ZSCAN18: variants seen among roughly 807,000 people sequenced by gnomAD.
ZSCAN18 encodes the protein zinc finger and SCAN domain containing 18.
ZSCAN18 carries 16 observed loss-of-function variants against 31.1 expected under a neutral mutation model. The observed-to-expected ratio is 0.51, with a 90% CI of 0.35 to 0.78. The LOEUF (loss-of-function observed/expected upper bound fraction) is 0.78. ZSCAN18 is among the 30% of genes least tolerant of loss of function. ZSCAN18 has a pLI of 0.01. For synonymous variants in ZSCAN18, 375 were observed against 320.7 expected, an observed-to-expected ratio of 1.17 and a Z score of -1.81; for missense variants, 731 against 697.4, an observed-to-expected ratio of 1.05 and a Z score of -0.54.
chr19:58,110,667 CTT>C (rs2146026175), intron 1 of ZSCAN18, among the ~76,000 whole-genome samples: 1 of 152,358 alleles, frequency 6.6e-6, no homozygotes, highest in South Asian at 2.1e-4. Flanking sequence ...TCAGCTTTGA[CTT>C]TCAAATACAC....
In ZSCAN18 at chr19:58,087,377, A is replaced by G; in HGVS notation, c.581T>C (p.Leu194Pro). 1 of 1,605,470 alleles carries G rather than the reference A, an allele frequency of 6.2e-7. No individual in the cohort carries two copies. The highest frequency in any genetic ancestry group is 8.5e-7 in the Non-Finnish European group (1 of 1,175,784). Residue 194 changes from leucine (L) to proline (P), a missense_variant, in exon 4 of 7, where the codon CTG (leucine) becomes CCG (proline). Transcript: ENST00000601144. ...TGCTTCTCTGACCCTCCTCTGTTCC[A>G]GAAACAGGGGGTCCGGAGAAAGCCA... ...TPWLSPDPLFLEQRRVREAKT... is the reference protein window; with the variant it reads ...TPWLSPDPLFPEQRRVREAKT...
At position 58,104,746 on chromosome 19, in the gene ZSCAN18, A is replaced by AAAATT. The variant is rs745324077; in HGVS notation, c.130+13520_130+13521insAATTT. On this transcript the variant is annotated intron_variant, in intron 1 of 1. Coordinates refer to the ZSCAN18 transcript ENST00000595721. ...AAAATAAAATAAAATAAAATAAAAT[A>AAAATT]AAAAAGTCTGAAGCTAGCAGAGGTT... 1.6e-4 allele frequency among the ~76,000 whole-genome samples: 13 copies of AAAATT among 83,264 alleles called. No homozygotes were observed. In the South Asian group the frequency reaches 2.9e-3, roughly 19 times the overall value. The allele number at this position is 83,264 out of a possible 152,430, so 54.6% of individuals were successfully genotyped here. A position where few individuals can be genotyped will look rare whatever the true frequency, so the allele number is the denominator to read the frequency against.
upstream of ZSCAN18, among the ~76,000 whole-genome samples, chr19:58,098,552 C>T (rs1484457793): frequency 6.6e-6 from 1 of 152,110 alleles, no homozygotes; most frequent in Non-Finnish European, 1.5e-5. Flanking sequence ...GCATGAAGGC[C>T]CACAGACGCT....
intron 1 of ZSCAN18, chr19:58,108,600 C>T: frequency 2.0e-6 from 2 of 985,770 alleles, no homozygotes; most frequent in Non-Finnish European, 2.4e-6. Context: ...TATAAGGGCT[C>T]TCTCCAGTAT....
chr19:58,086,010 AC>A (rs2074272459), intron 6 of ZSCAN18, 163 bp downstream of exon 6: 7 of 632,168 alleles, frequency 1.1e-5, no homozygotes, highest in Non-Finnish European at 1.7e-5. Flanking sequence ...GAGACCATGG[AC>A]GTAACTGGAT....
intron 6 of ZSCAN18, 58 bp from the exon 7 acceptor site, chr19:58,085,437 A>C (rs1056971648): frequency 7.0e-7 from 1 of 1,434,060 alleles, no homozygotes; most frequent in Non-Finnish European, 9.2e-7. Context: ...GGAGAGGAGG[A>C]CCCAGCCGAG....
intron 1 of ZSCAN18, chr19:58,109,163 G>C (rs1399901918): frequency 8.1e-7 from 1 of 1,230,648 alleles, no homozygotes; most frequent in Non-Finnish European, 1.0e-6. Flanking sequence ...ATTTCTACCT[G>C]GTCCTCACAT....
upstream of ZSCAN18, among the ~76,000 whole-genome samples, chr19:58,098,521 C>G (rs1034100060): frequency 6.6e-6 from 1 of 152,180 alleles, no homozygotes; most frequent in African/African-American, 2.4e-5. Flanking sequence ...CAAAAAGACG[C>G]GCAGACCGGG....
At position 58,090,117 on chromosome 19, in the gene ZSCAN18, G is replaced by A. The variant is rs746204969; in HGVS notation, c.151C>T (p.Arg51Cys). The change falls in exon 2 of 7, where the codon CGT becomes TGT. Residue 51 changes from arginine (R) to cysteine (C), a missense_variant. Arg to Cys is a radical substitution (Grantham distance 180, BLOSUM62 -3). Around this residue, in one of 4 missense-constraint regions of ZSCAN18, gnomAD observed 86 missense variants for 119.1 expected, o/e 0.72. Coordinates refer to ENST00000601144, the MANE Select transcript of ZSCAN18 (RefSeq NM_001145543.2). This position sits in a 1 kb window ranked among gnomAD's most constrained non-coding sequence, Gnocchi z 4.7. The stretch of plus-strand genomic sequence containing the variant: ...TCCTGGTAGACAAATTCCCGGAAAC[G>A]CAGGCGGGAGAACTCCAGGTCAGCA... ...TPADLEFSRLRFREFVYQEAA... is the reference protein window; with the variant it reads ...TPADLEFSRLCFREFVYQEAA... 5.0e-6 allele frequency: 8 copies of A among 1,613,794 alleles called. No individual in the cohort carries two copies. The highest frequency in any genetic ancestry group is 1.1e-5 in the South Asian group (1 of 91,080).
At position 58,086,244 on chromosome 19, in the gene ZSCAN18, G is replaced by A. The variant is rs147947490; in HGVS notation, c.768C>T (p.Asp256=). The stretch of plus-strand genomic sequence containing the variant: ...CCTCAGTGTCCAGCCTGGAGGCAGC[G>A]TCAGGCTGGGAAAGCTGATACCCTG... ...LLWGYQLSQP[D]AASRLDTEEL... is the part of the protein sequence containing the mutation. The change falls in exon 6 of 7, where the codon GAC becomes GAT. Residue 256 remains aspartate (D), a synonymous_variant. Coordinates refer to ENST00000601144, the MANE Select transcript of ZSCAN18 (RefSeq NM_001145543.2). The A allele has an allele frequency of 6.2e-6, 10 of 1,613,812 alleles. No homozygotes were observed. Among genetic ancestry groups the A allele is most frequent in the East Asian group, 4.5e-5 (2 of 44,890 alleles).
chr19:58,098,107 G>A, intron 1 of ZSCAN18, 67 bp downstream of exon 1: 1 of 985,360 alleles, frequency 1.0e-6, no homozygotes, highest in Non-Finnish European at 1.2e-6. Flanking sequence ...CCACTGAGGC[G>A]TCCTCACCGT....
Position 58,090,345 on chromosome 19 carries a change from C to T in ZSCAN18, c.-78G>A, listed in dbSNP as rs778994463. On this transcript the variant is annotated 5_prime_UTR_variant, in exon 2 of 7. Coordinates refer to ENST00000601144, the MANE Select transcript of ZSCAN18 (RefSeq NM_001145543.2). The surrounding 1 kb of genome is among the most constrained non-coding windows in gnomAD (Gnocchi z 4.7). ...TCCAAAGGAGAGGTGCCAGGGATGA[C>T]CAGATGCCCAGTGGGCTCAGGTGGT... 5.0e-6 allele frequency: 8 copies of T among 1,603,424 alleles called. No homozygotes were observed. Among genetic ancestry groups the T allele is most frequent in the South Asian group, 1.1e-5 (1 of 89,878 alleles).
chr19:58,115,587 C>T (rs772744262), intron 1 of ZSCAN18, among the ~76,000 whole-genome samples: 3 of 152,050 alleles, frequency 2.0e-5, no homozygotes, highest in Non-Finnish European at 4.4e-5. Flanking sequence ...GGGTAGTTCC[C>T]ACAACATTAA....
At chr19:58,098,064 C>T (rs1408532998) in intron 1 of ZSCAN18, 110 bp downstream of exon 1, 5 of 985,600 alleles carry the variant, frequency 5.1e-6, no homozygotes, top group Middle Eastern at 5.2e-4. Flanking sequence ...ACCCCAACCC[C>T]GGGAACACCC....
In ZSCAN18 at chr19:58,090,621, CCT is replaced by C. The variant is rs1299936475; in HGVS notation, c.-119-237_-119-236del. 2.5e-6 allele frequency: 1 copy of C among 401,218 alleles called. No individual in the cohort carries two copies. Among genetic ancestry groups the C allele is most frequent in the African/African-American group, 2.0e-5 (1 of 48,902 alleles). The allele number at this position is 401,218 out of a possible 1,614,324, so 24.9% of individuals were successfully genotyped here. ...TTTTTTTTCTTTGAGACCGAGTCAC[CCT>C]CTGTCACCCAAGCTGGAGTGCAGTG... On this transcript the variant is annotated intron_variant, in intron 1 of 6. Transcript: ENST00000601144. The surrounding 1 kb of genome is among the most constrained non-coding windows in gnomAD (Gnocchi z 4.7).
At chr19:58,085,731 G>A in intron 6 of ZSCAN18, 2 of 369,202 alleles carry the variant, frequency 5.4e-6, no homozygotes, top group East Asian at 5.2e-5. Flanking sequence ...TGCTCAGAGC[G>A]CACCCTCCTG....
At chr19:58,112,053 GAGACCAGGTCTTACTCT>G (rs1484299571) in intron 1 of ZSCAN18, among the ~76,000 whole-genome samples, 4 of 151,948 alleles carry the variant, frequency 2.6e-5, no homozygotes, top group Middle Eastern at 3.4e-3. Context: ...TTTTGTTTTT[GAGACCAGGTCTTACTCT>G]GTGACCCAGG....
chr19:58,095,943 T>G (rs2074512198), intron 1 of ZSCAN18, among the ~76,000 whole-genome samples: 1 of 152,168 alleles, frequency 6.6e-6, no homozygotes, highest in Non-Finnish European at 1.5e-5. Flanking sequence ...TTCATCTCCC[T>G]TCCTACTGGG....
chr19:58,090,886 A>G lies in ZSCAN18; in HGVS notation c.-119-500T>C, dbSNP rs756930549. Among the ~76,000 whole-genome samples, 2 of 151,728 alleles carry G rather than the reference A, an allele frequency of 1.3e-5. No individual in the cohort carries two copies. The highest frequency in any genetic ancestry group is 2.9e-5 in the Non-Finnish European group (2 of 67,950). Reference sequence around the variant, plus strand: ...ATTACAGGTGTGAGCCACTGCGCCCAGCATCATTACCAGAATTTTAAAAAA... The same window carrying G: ...ATTACAGGTGTGAGCCACTGCGCCCGGCATCATTACCAGAATTTTAAAAAA... On this transcript the variant is annotated intron_variant, in intron 1 of 6. Transcript: ENST00000601144. This position sits in a 1 kb window ranked among gnomAD's most constrained non-coding sequence, Gnocchi z 4.7.
Sources: allele counts gnomAD v4.1 joint callset (sites outside exome capture counted in the v4.1 genomes callset), GRCh38; gene constraint gnomAD v4.1.1; regional missense constraint gnomAD v4.1.1; non-coding constraint Gnocchi (gnomAD v3.1); transcripts MANE v1.5; gene names NCBI Gene and HGNC (gene_info 2026-07-23, HGNC 2026-07-21).